RFX4: variants seen among roughly 807,000 people sequenced by gnomAD.
RFX4 encodes transcription factor RFX4.
In RFX4, 10 loss-of-function variants were observed where a neutral mutation model predicts 95.0. That is an observed-to-expected ratio of 0.11 (90% CI 0.06 to 0.18). RFX4 has a LOEUF of 0.18. RFX4 is among the 10% of genes least tolerant of loss of function. RFX4 has a pLI of 1.00. For missense variants in RFX4, 640 were observed against 922.0 expected (o/e 0.69, Z 3.96); for synonymous variants, 321 against 340.7 (o/e 0.94, Z 0.64).
At chr12:106,701,142 G>A (rs1250455876) in intron 8 of RFX4, among the ~76,000 whole-genome samples, 1 of 152,064 alleles carries the variant, frequency 6.6e-6, no homozygotes, top group Non-Finnish European at 1.5e-5. Flanking sequence ...ACTTTCACTG[G>A]GTATGGTATT....
intron 3 of RFX4, among the ~76,000 whole-genome samples, chr12:106,648,777 T>A (rs1239273228): frequency 6.6e-6 from 1 of 151,990 alleles, no homozygotes; most frequent in African/African-American, 2.4e-5. Context: ...ATAAAACATC[T>A]AATCAGTTTA....
intron 1 of RFX4, among the ~76,000 whole-genome samples, chr12:106,588,172 A>T (rs1476983757): frequency 6.6e-6 from 1 of 152,146 alleles, no homozygotes; most frequent in African/African-American, 2.4e-5. Context: ...CGAACTAATG[A>T]TATATTATTT....
intron 2 of RFX4, among the ~76,000 whole-genome samples, chr12:106,618,320 T>C (rs1227555939): frequency 2.0e-5 from 3 of 152,110 alleles, no homozygotes; most frequent in Non-Finnish European, 4.4e-5. Flanking sequence ...TTGTTGCTAT[T>C]GTTTGTTCTC....
chr12:106,619,479 T>C (rs1241027536), intron 2 of RFX4, among the ~76,000 whole-genome samples: 1 of 152,208 alleles, frequency 6.6e-6, no homozygotes, highest in Non-Finnish European at 1.5e-5. Context: ...CTCCTTTGAA[T>C]GCAATGTGTC....
intron 15 of RFX4, among the ~76,000 whole-genome samples, chr12:106,736,510 G>C (rs1268956631): frequency 6.6e-6 from 1 of 152,114 alleles, no homozygotes; most frequent in African/African-American, 2.4e-5. Flanking sequence ...ATGGAAAAAG[G>C]GCACGGAGGA....
intron 4 of RFX4, among the ~76,000 whole-genome samples, chr12:106,654,748 C>T (rs1418563674): frequency 6.6e-6 from 1 of 152,096 alleles, no homozygotes; most frequent in African/African-American, 2.4e-5. Context: ...TGTGGGAGTC[C>T]TCTGCAAAGA....
chr12:106,737,463 A>G (rs1285449852), intron 15 of RFX4, among the ~76,000 whole-genome samples: 1 of 152,092 alleles, frequency 6.6e-6, no homozygotes, highest in Non-Finnish European at 1.5e-5. Flanking sequence ...GAAGGGTCAG[A>G]GTATCATGGG....
intron 3 of RFX4, among the ~76,000 whole-genome samples, chr12:106,639,674 G>A (rs1278409635): frequency 6.6e-6 from 1 of 152,170 alleles, no homozygotes; most frequent in Non-Finnish European, 1.5e-5. Flanking sequence ...GATTTTAATA[G>A]AATCCATTAT....
rs771917160 is a variant in RFX4, at chr12:106,720,876, G to A, written c.1351G>A (p.Gly451Arg). 6.2e-7 allele frequency: 1 copy of A among 1,612,212 alleles called. No homozygotes were observed. The highest frequency in any genetic ancestry group is 1.7e-5 in the Admixed American group (1 of 60,004). Residue 451 changes from glycine (G) to arginine (R), a missense_variant and splice_region_variant, in exon 13 of 18, where the codon GGG (glycine) becomes AGG (arginine). Gly to Arg is a moderately radical substitution (Grantham distance 125). Around this residue, in one of 7 missense-constraint regions of RFX4, gnomAD observed 20 missense variants for 52.3 expected, o/e 0.38. Coordinates refer to ENST00000392842, the MANE Select transcript of RFX4 (RefSeq NM_213594.3). This position sits in a 1 kb window ranked among gnomAD's most constrained non-coding sequence, Gnocchi z 4.2. The part of the protein sequence containing the change: ...DMTLHSAPSF[G>R]SFHLIHLMFD... ...GACCTTGCACAGCGCCCCCAGCTTC[G>A]GTAAGGCCACCCCAGCCCTCCCCAT...
intron 7 of RFX4, among the ~76,000 whole-genome samples, chr12:106,694,498 G>A (rs778271212): frequency 2.0e-5 from 3 of 152,294 alleles, no homozygotes; most frequent in Non-Finnish European, 4.4e-5. Context: ...AGCAGTCTAG[G>A]GAGAGACATG....
chr12:106,723,436 A>G (rs2042432459), intron 13 of RFX4, among the ~76,000 whole-genome samples: 1 of 152,198 alleles, frequency 6.6e-6, no homozygotes, highest in Non-Finnish European at 1.5e-5. Context: ...TTTTCAGCAA[A>G]TGCCTGCTTA....
intron 3 of RFX4, among the ~76,000 whole-genome samples, chr12:106,644,165 C>T (rs1247796608): frequency 6.6e-6 from 1 of 151,954 alleles, no homozygotes; most frequent in Non-Finnish European, 1.5e-5. Context: ...TAAAGAACAA[C>T]CTCATTTTAA....
At chr12:106,607,120 G>A (rs577704416) in intron 1 of RFX4, among the ~76,000 whole-genome samples, 4 of 152,164 alleles carry the variant, frequency 2.6e-5, no homozygotes, top group Non-Finnish European at 5.9e-5. Context: ...AGAAGGCAAT[G>A]GGAAACCACA....
chr12:106,751,446 A>C lies in RFX4; in HGVS notation c.1935+653A>C, dbSNP rs2043004122. ...GCATGATTTATAGTCCTTTGGGTGT[A>C]TACCCAGTAATGGGATGGCTGGGTC... On this transcript the variant is annotated intron_variant, in intron 17 of 17. Coordinates refer to ENST00000392842, the MANE Select transcript of RFX4 (RefSeq NM_213594.3). 3.3e-5 allele frequency among the ~76,000 whole-genome samples: 5 copies of C among 151,856 alleles called. No homozygotes were observed. In the South Asian group the frequency reaches 1.0e-3, roughly 32 times the overall value.
At chr12:106,585,282 C>T (rs1032416672) in intron 1 of RFX4, among the ~76,000 whole-genome samples, 2 of 152,172 alleles carry the variant, frequency 1.3e-5, no homozygotes, top group Admixed American at 6.5e-5. Context: ...GTTTTCTGTT[C>T]TCGATGCAAC....
chr12:106,722,017 C>T (rs916122761), intron 13 of RFX4, among the ~76,000 whole-genome samples: 7 of 152,226 alleles, frequency 4.6e-5, no homozygotes, highest in Admixed American at 4.6e-4. Flanking sequence ...GGAAGGTTCT[C>T]TGAACCTGCC....
intron 5 of RFX4, chr12:106,682,379 A>C (rs954615516): frequency 2.1e-5 from 8 of 377,228 alleles, no homozygotes; most frequent in African/African-American, 1.6e-4. Context: ...TCACCAGGTT[A>C]TCTGGACTGT....
intron 1 of RFX4, chr12:106,601,189 C>G: frequency 6.5e-7 from 1 of 1,530,242 alleles, no homozygotes; most frequent in Admixed American, 2.0e-5. Context: ...GCCACAGCTG[C>G]TGGCTTCCTG....
chr12:106,619,504 TG>T (rs2040137848), intron 2 of RFX4, among the ~76,000 whole-genome samples: 1 of 152,182 alleles, frequency 6.6e-6, no homozygotes, highest in Non-Finnish European at 1.5e-5. Flanking sequence ...TGTCTCTGGC[TG>T]GTTTAAAAAT....
Sources: gnomAD v4.1 joint callset for allele counts (sites outside exome capture counted in the v4.1 genomes callset) on GRCh38, gnomAD v4.1.1 for gene constraint, gnomAD v4.1.1 regional missense constraint, Gnocchi (gnomAD v3.1) non-coding constraint, MANE v1.5 for transcripts, NCBI Gene and HGNC (gene_info 2026-07-23, HGNC 2026-07-21) for gene names.